The following BCAS1 variants were observed in gnomAD, a reference collection of about 807,000 sequenced individuals.
BCAS1 encodes the protein brain enriched myelin associated protein 1, also known as breast carcinoma-amplified sequence 1.
A neutral mutation model predicts 65.4 loss-of-function variants in BCAS1; 46 were observed. The observed-to-expected ratio is 0.70, with a 90% CI of 0.55 to 0.90. BCAS1 has a LOEUF of 0.90. Ranked by LOEUF, BCAS1 falls within the 40% of genes least tolerant of loss-of-function variation. The pLI, the probability that BCAS1 is intolerant of heterozygous loss-of-function variation, is 0.00. For synonymous variants in BCAS1, 298 were observed against 293.5 expected (o/e 1.02, Z -0.16); for missense variants, 793 against 771.2 (o/e 1.03, Z -0.33).
At chr20:54,045,501 A>G (rs985810655) in intron 3 of BCAS1, among the ~76,000 whole-genome samples, 1 of 152,228 alleles carries the variant, frequency 6.6e-6, no homozygotes, top group African/African-American at 2.4e-5. Flanking sequence ...TAAAATAAAG[A>G]CCAGACCTGA....
chr20:54,010,347 C>T (rs2091292483), intron 4 of BCAS1, among the ~76,000 whole-genome samples: 1 of 151,764 alleles, frequency 6.6e-6, no homozygotes, highest in Non-Finnish European at 1.5e-5. Context: ...TTAGAAAATC[C>T]CAAGGAATCA....
chr20:54,046,858 A>AAG (rs3043219), intron 3 of BCAS1, among the ~76,000 whole-genome samples: 2 of 151,334 alleles, frequency 1.3e-5, no homozygotes, highest in African/African-American at 4.9e-5. Flanking sequence ...AAAAAAAAAA[A>AAG]GAATTCAGGC....
chr20:53,949,009 C>T (rs1160228743), intron 12 of BCAS1, among the ~76,000 whole-genome samples: 2 of 152,148 alleles, frequency 1.3e-5, no homozygotes, highest in Non-Finnish European at 2.9e-5. Flanking sequence ...CATTTGTTCA[C>T]CTGCTAAACC....
intron 10 of BCAS1, among the ~76,000 whole-genome samples, chr20:53,958,838 A>C (rs747167247): frequency 2.0e-5 from 3 of 152,204 alleles, no homozygotes; most frequent in Non-Finnish European, 2.9e-5. Context: ...AGCAGGTTTG[A>C]GTGCCAGTGT....
chr20:53,980,926 G>A (rs781111888), intron 8 of BCAS1, among the ~76,000 whole-genome samples: 1 of 152,222 alleles, frequency 6.6e-6, no homozygotes, highest in Non-Finnish European at 1.5e-5. Context: ...ATGATCCACA[G>A]TTGAGGTCCA....
At chr20:54,065,463 G>A (rs6022940) in intron 1 of BCAS1, among the ~76,000 whole-genome samples, 2,407 of 152,310 alleles carry the variant, frequency 0.016, 46 homozygotes, top group African/African-American at 0.054. Context: ...TCACGGTTCA[G>A]CTTTGGGGGG....
intron 4 of BCAS1, among the ~76,000 whole-genome samples, chr20:54,009,324 C>G (rs929888604): frequency 6.6e-6 from 1 of 151,992 alleles, no homozygotes; most frequent in African/African-American, 2.4e-5. Context: ...CAGAGAGAAG[C>G]AGCAGCAAAA....
chr20:54,039,075 T>C (rs911078853), intron 3 of BCAS1, among the ~76,000 whole-genome samples: 1 of 151,380 alleles, frequency 6.6e-6, no homozygotes, highest in Non-Finnish European at 1.5e-5. Context: ...CCTCAAAAAA[T>C]TATGCAAAAA....
At chr20:54,008,642 T>C (rs2062557077) in intron 4 of BCAS1, among the ~76,000 whole-genome samples, 1 of 152,148 alleles carries the variant, frequency 6.6e-6, no homozygotes, top group African/African-American at 2.4e-5. Context: ...ATAGAAAGTT[T>C]AAGCAAGATG....
chr20:53,947,604 G>A (rs180871139), intron 12 of BCAS1, among the ~76,000 whole-genome samples: 8 of 152,202 alleles, frequency 5.3e-5, no homozygotes, highest in African/African-American at 7.2e-5. Context: ...CGCCACTGTC[G>A]CTCTCAGGCT....
At chr20:54,052,139 A>G (rs2092227042) in intron 3 of BCAS1, among the ~76,000 whole-genome samples, 1 of 152,196 alleles carries the variant, frequency 6.6e-6, no homozygotes, top group Admixed American at 6.5e-5. Flanking sequence ...AAAATCCACC[A>G]ACTTTAATAG....
chr20:54,054,707 T>C (rs2092270129), intron 3 of BCAS1, among the ~76,000 whole-genome samples: 1 of 152,176 alleles, frequency 6.6e-6, no homozygotes, highest in South Asian at 2.1e-4. Flanking sequence ...GACTGCCAGG[T>C]GTGAGGGCGA....
intron 3 of BCAS1, among the ~76,000 whole-genome samples, chr20:54,038,264 T>A (rs2091932248): frequency 6.6e-6 from 1 of 151,436 alleles, no homozygotes; most frequent in South Asian, 2.1e-4. Flanking sequence ...GACTCCTCCA[T>A]CTGAAGTAAC....
rs575576543 is a variant in BCAS1 at position 53,985,305 on chromosome 20, G to T, written c.1257C>A (p.Gly419=). 2.9e-5 allele frequency: 47 copies of T among 1,613,330 alleles called. No homozygotes were observed. The highest frequency in any genetic ancestry group is 5.0e-5 in the Admixed American group (3 of 59,998). The change falls in exon 8 of 13, where the codon GGC becomes GGA. Residue 419 remains glycine, a synonymous_variant. Coordinates refer to ENST00000688948, the MANE Select transcript of BCAS1 (RefSeq NM_001366298.2). ...GACTTACCTTTTTCCAAAACAGTTTGCCCAGAGGCAGAGAGGTGGGTCCTG... is the reference window on the plus strand; with the variant it reads ...GACTTACCTTTTTCCAAAACAGTTTTCCCAGAGGCAGAGAGGTGGGTCCTG... The part of the protein sequence containing the change: ...EKSGPTSLPL[G]KLFWKKSVKE...
chr20:54,012,479 A>C (rs1227752138), intron 4 of BCAS1, among the ~76,000 whole-genome samples: 2 of 152,098 alleles, frequency 1.3e-5, no homozygotes, highest in African/African-American at 4.8e-5. Context: ...AAAAAAAAAA[A>C]AAAAAGCTTG....
At chr20:54,035,350 G>A (rs1485776646) in intron 3 of BCAS1, among the ~76,000 whole-genome samples, 6 of 140,420 alleles carry the variant, frequency 4.3e-5, no homozygotes, top group African/African-American at 1.1e-4. Context: ...GCACTGAGCC[G>A]AGACCACATC....
chr20:53,971,196 T>A (rs897462388), intron 9 of BCAS1, among the ~76,000 whole-genome samples: 1 of 152,252 alleles, frequency 6.6e-6, no homozygotes, highest in Admixed American at 6.5e-5. Context: ...GCTTTAGTAA[T>A]GGAACATGGG....
intron 6 of BCAS1, among the ~76,000 whole-genome samples, chr20:53,993,239 C>T (rs890474087): frequency 1.3e-5 from 2 of 152,156 alleles, no homozygotes; most frequent in Admixed American, 6.6e-5. Flanking sequence ...AGAGGGAGAT[C>T]GAAACCGAAA....
At chr20:53,966,433 T>C (rs1335154840) in intron 10 of BCAS1, among the ~76,000 whole-genome samples, 1 of 152,246 alleles carries the variant, frequency 6.6e-6, no homozygotes, top group African/African-American at 2.4e-5. Flanking sequence ...GCTACGAGGA[T>C]GCAAAAGCAT....
Sources: allele counts gnomAD v4.1 joint callset (sites outside exome capture counted in the v4.1 genomes callset), GRCh38; gene constraint gnomAD v4.1.1; transcripts MANE v1.5; gene names NCBI Gene and HGNC (gene_info 2026-07-23, HGNC 2026-07-21).